EPHB1: variants seen among roughly 807,000 people sequenced by gnomAD.
EPHB1 encodes the protein ephrin type-B receptor 1.
Under a neutral mutation model 94.4 loss-of-function variants are expected in EPHB1, and 30 were observed. The ratio of observed to expected loss-of-function variants is 0.32; its 90% CI spans 0.24 to 0.43. The LOEUF (loss-of-function observed/expected upper bound fraction) is 0.43. Ranked by LOEUF, EPHB1 falls within the 20% of genes least tolerant of loss-of-function variation. EPHB1 has a pLI of 1.00. For missense variants in EPHB1, 1,055 were observed against 1,308.3 expected, an observed-to-expected ratio of 0.81 and a Z score of 2.99; for synonymous variants, 522 against 489.1, an observed-to-expected ratio of 1.07 and a Z score of -0.89.
chr3:134,979,917 G>T (rs535706108), intron 3 of EPHB1, among the ~76,000 whole-genome samples: 35 of 152,114 alleles, frequency 2.3e-4, no homozygotes, highest in African/African-American at 4.6e-4. Context: ...AGTTTTTTTT[G>T]TTGTTGTTGT....
At chr3:134,958,736 G>C (rs1448918927) in intron 3 of EPHB1, among the ~76,000 whole-genome samples, 1 of 152,128 alleles carries the variant, frequency 6.6e-6, no homozygotes, top group African/African-American at 2.4e-5. Context: ...CCCCAGAGAG[G>C]AATCAGATGT....
rs937803802 is a variant in EPHB1 at position 135,047,737 on chromosome 3, T to C, written c.806-58711T>C. Among the ~76,000 whole-genome samples the C allele has an allele frequency of 4.6e-5, 7 of 152,342 alleles. No homozygotes were observed. The East Asian group carries it at 1.3e-3, about 29-fold the overall frequency. ...TTACACCCTTGTGACAGTTTCTTTT[T>C]ACTGTAGGCCAGTGCTTCTAGAACA... On this transcript the variant is annotated intron_variant, in intron 3 of 15. Transcript: ENST00000398015.
intron 4 of EPHB1, among the ~76,000 whole-genome samples, chr3:135,115,719 C>T (rs375307079): frequency 2.0e-5 from 3 of 152,066 alleles, no homozygotes; most frequent in Admixed American, 6.6e-5. Flanking sequence ...TTGGGTAGGT[C>T]GCCTAACTTA....
chr3:135,226,413 G>A (rs1037158277), intron 12 of EPHB1, among the ~76,000 whole-genome samples: 2 of 152,244 alleles, frequency 1.3e-5, no homozygotes, highest in South Asian at 2.1e-4. Context: ...ATTCACGAAC[G>A]AGTGACAGAC....
intron 3 of EPHB1, among the ~76,000 whole-genome samples, chr3:135,032,883 C>T (rs1292373781): frequency 1.3e-5 from 2 of 152,214 alleles, no homozygotes; most frequent in African/African-American, 2.4e-5. Flanking sequence ...GGCCATTTCT[C>T]AAAGTCAGTG....
chr3:135,002,344 G>A (rs560135307), intron 3 of EPHB1, among the ~76,000 whole-genome samples: 37 of 152,276 alleles, frequency 2.4e-4, no homozygotes, highest in African/African-American at 7.7e-4. Flanking sequence ...TGCTGGATTC[G>A]TTTTGCCAGT....
chr3:134,914,180 A>G (rs1338036832), intron 1 of EPHB1, among the ~76,000 whole-genome samples: 1 of 152,046 alleles, frequency 6.6e-6, no homozygotes, highest in Non-Finnish European at 1.5e-5. Flanking sequence ...AGGATTGGAG[A>G]CTCAGTGGCC....
intron 1 of EPHB1, among the ~76,000 whole-genome samples, chr3:134,882,765 C>CCTTCCTTTCTTTCTTTCTTTCTTT (rs1553861897): frequency 1.1e-3 from 87 of 79,906 alleles, no homozygotes; most frequent in African/African-American, 3.0e-3. Context: ...TTCCTTCCTT[C>CCTTCCTTTCTTTCTTTCTTTCTTT]CTTTCTTTCT....
chr3:135,086,970 C>T (rs1406528055), intron 3 of EPHB1, among the ~76,000 whole-genome samples: 1 of 152,152 alleles, frequency 6.6e-6, no homozygotes, highest in East Asian at 1.9e-4. Flanking sequence ...GTAAGTCACT[C>T]AACTTCTGAA....
chr3:134,850,053 A>G (rs1474484274), intron 1 of EPHB1, among the ~76,000 whole-genome samples: 2 of 151,956 alleles, frequency 1.3e-5, no homozygotes, highest in African/African-American at 2.4e-5. Context: ...GAGTTTCTCA[A>G]CTGCTTCTGA....
intron 3 of EPHB1, among the ~76,000 whole-genome samples, chr3:134,967,274 A>G (rs935511610): frequency 2.6e-5 from 4 of 152,198 alleles, no homozygotes; most frequent in African/African-American, 4.8e-5. Flanking sequence ...CACAACACAC[A>G]TTGGTACTAA....
At chr3:134,907,642 C>T (rs559416157) in intron 1 of EPHB1, among the ~76,000 whole-genome samples, 66 of 152,218 alleles carry the variant, frequency 4.3e-4, no homozygotes, top group Admixed American at 3.9e-4. Context: ...AGAAAAGTGA[C>T]TGACCCCCCT....
At chr3:135,238,542 C>G (rs757165345) in intron 12 of EPHB1, among the ~76,000 whole-genome samples, 1 of 152,178 alleles carries the variant, frequency 6.6e-6, no homozygotes, top group African/African-American at 2.4e-5. Context: ...CTCAGACTCC[C>G]AAATCACCTC....
At chr3:134,826,903 T>A (rs2036490309) in intron 1 of EPHB1, among the ~76,000 whole-genome samples, 1 of 152,160 alleles carries the variant, frequency 6.6e-6, no homozygotes, top group African/African-American at 2.4e-5. Flanking sequence ...TCTCTGAACA[T>A]CTGACGCAAC....
chr3:135,047,930 T>A (rs1325645645), intron 3 of EPHB1, among the ~76,000 whole-genome samples: 9 of 152,152 alleles, frequency 5.9e-5, no homozygotes, highest in Admixed American at 5.9e-4. Flanking sequence ...TGACCCCAAA[T>A]GTCAATAGTG....
intron 4 of EPHB1, among the ~76,000 whole-genome samples, chr3:135,112,581 T>G (rs1251105099): frequency 8.2e-6 from 1 of 122,410 alleles, no homozygotes; most frequent in Non-Finnish European, 1.6e-5. Context: ...GATATTCCCC[T>G]TCCTGTGTCC....
intron 3 of EPHB1, among the ~76,000 whole-genome samples, chr3:135,051,420 A>T (rs1246029190): frequency 1.3e-5 from 2 of 152,242 alleles, no homozygotes; most frequent in African/African-American, 4.8e-5. Flanking sequence ...ATTTCCTAAT[A>T]ATAAATCCCC....
chr3:135,228,134 C>T (rs1336862095), intron 12 of EPHB1, among the ~76,000 whole-genome samples: 6 of 151,684 alleles, frequency 4.0e-5, no homozygotes, highest in Non-Finnish European at 8.8e-5. Context: ...GCCTTTTTTT[C>T]GCTCTAGTAC....
At chr3:134,904,331 T>C (rs2038271319) in intron 1 of EPHB1, among the ~76,000 whole-genome samples, 1 of 152,262 alleles carries the variant, frequency 6.6e-6, no homozygotes, top group Non-Finnish European at 1.5e-5. Flanking sequence ...AATTTGCTGT[T>C]AATTCTCTGT....
Sources: gnomAD v4.1 joint callset for allele counts (sites outside exome capture counted in the v4.1 genomes callset) on GRCh38, gnomAD v4.1.1 for gene constraint, MANE v1.5 for transcripts, NCBI Gene and HGNC (gene_info 2026-07-23, HGNC 2026-07-21) for gene names.